The following EPB41L4B variants were observed in gnomAD, a reference collection of about 807,000 sequenced individuals.
The protein encoded by EPB41L4B is erythrocyte membrane protein band 4.1 like 4B, also known as band 4.1-like protein 4B.
A neutral mutation model predicts 112.5 loss-of-function variants in EPB41L4B; 30 were observed. The observed-to-expected ratio is 0.27, with a 90% CI of 0.20 to 0.36. EPB41L4B has a LOEUF of 0.36. Among genes scored for constraint, EPB41L4B ranks in the 10% least tolerant of loss-of-function variants. The pLI is 1.00. For synonymous variants in EPB41L4B, 408 were observed against 439.7 expected (o/e 0.93, Z 0.90); for missense variants, 1,024 against 1,133.3 (o/e 0.90, Z 1.38).
At chr9:109,180,805 A>G (rs913770113) in intron 24 of EPB41L4B, among the ~76,000 whole-genome samples, 3 of 152,114 alleles carry the variant, frequency 2.0e-5, no homozygotes, top group Non-Finnish European at 4.4e-5. Flanking sequence ...AGAAATTGCA[A>G]GCTCTGGTTC....
At chr9:109,298,234 C>G (rs768054127) in intron 1 of EPB41L4B, among the ~76,000 whole-genome samples, 2 of 151,802 alleles carry the variant, frequency 1.3e-5, no homozygotes, top group Non-Finnish European at 2.9e-5. Context: ...TGAATAGAAT[C>G]TTGACTATAA....
chr9:109,274,929 G>A (rs960967734), intron 2 of EPB41L4B, among the ~76,000 whole-genome samples: 59 of 152,338 alleles, frequency 3.9e-4, no homozygotes, highest in African/African-American at 1.2e-3. Context: ...AGCACTTATC[G>A]TGATCAGGCA....
chr9:109,273,574 A>G (rs900073188), intron 2 of EPB41L4B, among the ~76,000 whole-genome samples: 7 of 152,128 alleles, frequency 4.6e-5, no homozygotes, highest in African/African-American at 1.7e-4. Context: ...TGCAGTTTAC[A>G]TTTCTTTGGA....
chr9:109,241,200 C>T (rs1834341780), intron 15 of EPB41L4B: 4 of 986,186 alleles, frequency 4.1e-6, no homozygotes. Context: ...GTCCAACCCT[C>T]TCTTTTCAGA....
At chr9:109,265,757 A>G (rs570776086) in intron 4 of EPB41L4B, among the ~76,000 whole-genome samples, 1 of 152,334 alleles carries the variant, frequency 6.6e-6, no homozygotes, top group East Asian at 1.9e-4. Context: ...ACCACTCACA[A>G]TGCTTTGTAA....
Position 109,192,313 on chromosome 9 carries a change from C to A in EPB41L4B, c.2266G>T (p.Asp756Tyr). Residue 756 changes from aspartate (D) to tyrosine (Y), a missense_variant, in exon 22 of 26, where the codon GAT becomes TAT. Transcript: ENST00000374566. ...GCTTCTGTGAAATCCATCAGAAGAT[C>A]ACCCGGCTCCAGGGTAAAGGCACCT... is the stretch of plus-strand genomic sequence containing the variant. The part of the protein sequence containing the change: ...RGGAFTLEPG[D>Y]LLMDFTEATP... The A allele has an allele frequency of 1.2e-6, 2 of 1,612,300 alleles. No homozygotes were observed. Among genetic ancestry groups the A allele is most frequent in the Non-Finnish European group, 1.7e-6 (2 of 1,179,270 alleles).
chr9:109,294,731 TA>T lies in EPB41L4B; in HGVS notation c.307-14811del, dbSNP rs1412188082. On this transcript the variant is annotated intron_variant, in intron 1 of 25. Transcript: ENST00000374566. Reference sequence around the variant, plus strand: ...GTATAAGTATTTATTAGTGAATATTTAAGTATTAACAGGTTAAACAATAAGT... The same window carrying T: ...GTATAAGTATTTATTAGTGAATATTTAGTATTAACAGGTTAAACAATAAGT... Among the ~76,000 whole-genome samples the T allele has an allele frequency of 2.6e-5, 4 of 152,062 alleles. No homozygotes were observed. The East Asian group carries it at 7.7e-4, about 29-fold the overall frequency.
chr9:109,207,980 C>T lies in EPB41L4B; in HGVS notation c.1822G>A (p.Val608Met). The T allele has an allele frequency of 1.9e-6, 3 of 1,614,198 alleles. No individual in the cohort carries two copies. Among genetic ancestry groups the T allele is most frequent in the East Asian group, 4.5e-5 (2 of 44,882 alleles). ...PLLPSPVADHVKCNILKAQLE... is the reference protein window; with the variant it reads ...PLLPSPVADHMKCNILKAQLE... ...TGGGCTTTCAGAATGTTACACTTCA[C>T]ATGATCCGCAACAGGGGAAGGCAAA... Residue 608 changes from valine (V) to methionine (M), a missense_variant, in exon 18 of 26, where the codon GTG becomes ATG. By Grantham distance (21) the Val-to-Met change is conservative. Transcript: ENST00000374566.
chr9:109,213,848 G>A (rs1485117367), intron 16 of EPB41L4B, 30 bp from the exon 17 acceptor site: 5 of 1,586,610 alleles, frequency 3.2e-6, no homozygotes, highest in Non-Finnish European at 4.3e-6. Context: ...AATAAATAAG[G>A]AAAGGTTGAA....
intron 13 of EPB41L4B, among the ~76,000 whole-genome samples, chr9:109,248,452 G>A (rs1473619762): frequency 6.6e-6 from 1 of 152,188 alleles, no homozygotes; most frequent in East Asian, 1.9e-4. Flanking sequence ...AGAGAGTTGG[G>A]AAACCTGCTC....
At chr9:109,235,546 C>T (rs992497003) in intron 15 of EPB41L4B, among the ~76,000 whole-genome samples, 26 of 152,068 alleles carry the variant, frequency 1.7e-4, no homozygotes, top group African/African-American at 6.0e-4. Flanking sequence ...CACAGGCACA[C>T]ACCACCACGC....
In EPB41L4B at chr9:109,194,222, T is replaced by C; in HGVS notation, c.2221A>G (p.Lys741Glu). ...CAGGGCTTTCCACCCCCCAATACCT[T>C]GGCCCCAGGGGACAGCAGGCCTTTG... ...EGKGLLSPGA[K>E]SPSDRGGAFT... Residue 741 changes from lysine (K) to glutamate (E), a missense_variant and splice_region_variant, in exon 21 of 26, where the codon AAG (lysine) becomes GAG (glutamate). Transcript: ENST00000374566. 6.2e-7 allele frequency: 1 copy of C among 1,614,008 alleles called. No homozygotes were observed. The highest frequency in any genetic ancestry group is 8.5e-7 in the Non-Finnish European group (1 of 1,179,872).
chr9:109,285,305 C>T (rs578235409), intron 1 of EPB41L4B, among the ~76,000 whole-genome samples: 2 of 152,272 alleles, frequency 1.3e-5, no homozygotes, highest in Admixed American at 1.3e-4. Flanking sequence ...TCTAAAATGG[C>T]TCTTAGTGTA....
Position 109,241,760 on chromosome 9 carries a change from C to T in EPB41L4B, c.1409+1858G>A, listed in dbSNP as rs200470090. The T allele has an allele frequency of 5.4e-4, 876 of 1,614,222 alleles. 1 individual carries two copies. Among genetic ancestry groups the T allele is most frequent in the Non-Finnish European group, 6.9e-4 (811 of 1,180,034 alleles). ...TGGACATAATCAAAATGGCTGTCATCTCCACTGGCCGATGCTTTCCAATGC... is the reference window on the plus strand; with the variant it reads ...TGGACATAATCAAAATGGCTGTCATTTCCACTGGCCGATGCTTTCCAATGC... On this transcript the variant is annotated intron_variant, in intron 15 of 25. Transcript: ENST00000374566.
chr9:109,241,465 G>A, intron 15 of EPB41L4B: 4 of 1,342,798 alleles, frequency 3.0e-6, no homozygotes, highest in Non-Finnish European at 3.8e-6. Flanking sequence ...TCATTTTAAT[G>A]AGAATGCAGT....
chr9:109,271,656 C>A (rs963865737), intron 2 of EPB41L4B, among the ~76,000 whole-genome samples: 2 of 152,176 alleles, frequency 1.3e-5, no homozygotes, highest in African/African-American at 4.8e-5. Flanking sequence ...AGCGGCGGGA[C>A]CTGTCTCAGA....
In EPB41L4B at chr9:109,251,434, C is replaced by T. The variant is rs201176524; in HGVS notation, c.1310+47G>A. 2.1e-4 allele frequency: 323 copies of T among 1,571,072 alleles called. 2 individuals carry two copies. The African/African-American group carries it at 4.1e-3, about 20-fold the overall frequency. On this transcript the variant is annotated intron_variant, in intron 13 of 25. Coordinates refer to ENST00000374566, the MANE Select transcript of EPB41L4B (RefSeq NM_019114.5). ...AAAAAGTCAACATTGCAAATAAATA[C>T]GATCCTTAGAGAGGAGAGCTGTGCT...
chr9:109,193,486 G>A (rs945148765), intron 21 of EPB41L4B, among the ~76,000 whole-genome samples: 2 of 152,356 alleles, frequency 1.3e-5, no homozygotes, highest in South Asian at 2.1e-4. Flanking sequence ...TTGGAAGTGA[G>A]TGCTGTGGCT....
At chr9:109,277,860 A>T (rs1000203347) in intron 2 of EPB41L4B, among the ~76,000 whole-genome samples, 1 of 152,142 alleles carries the variant, frequency 6.6e-6, no homozygotes, top group Non-Finnish European at 1.5e-5. Context: ...AATCAAGGGA[A>T]GTTATCCTGG....
Sources: gnomAD v4.1 joint callset for allele counts (sites outside exome capture counted in the v4.1 genomes callset) on GRCh38, gnomAD v4.1.1 for gene constraint, MANE v1.5 for transcripts, NCBI Gene and HGNC (gene_info 2026-07-23, HGNC 2026-07-21) for gene names.